Variants in BEND2 observed in about 807,000 individuals in gnomAD.
BEND2 encodes the protein BEN domain-containing protein 2.
Under a neutral mutation model 43.8 loss-of-function variants are expected in BEND2, and 19 were observed. The observed-to-expected ratio is 0.43, with a 90% confidence interval of 0.30 to 0.64. The LOEUF (loss-of-function observed/expected upper bound fraction) is 0.64. Ranked by LOEUF, BEND2 falls within the 30% of genes least tolerant of loss-of-function variation. BEND2 has a pLI of 0.11. For missense variants in BEND2, 544 were observed against 574.0 expected (o/e 0.95, Z 0.53); for synonymous variants, 226 against 210.1 (o/e 1.08, Z -0.66).
At position 18,186,437 on chromosome X, in the gene BEND2, G is replaced by T. The variant is rs191701777; in HGVS notation, c.1288+4564C>A. ...TGCGCCATTGCACTCCAGCCTGGGT[G>T]AAAAGAAGGAAACTCCGTCGGAAAA... On this transcript the variant is annotated intron_variant, in intron 8 of 13. Coordinates refer to ENST00000380033, the MANE Select transcript of BEND2 (RefSeq NM_153346.5). 9.7e-3 allele frequency among the ~76,000 whole-genome samples: 807 copies of T among 83,168 alleles called. 15 individuals carry two copies. The highest frequency in any genetic ancestry group is 0.036 in the African/African-American group (766 of 21,556). 72.2% of individuals were successfully genotyped at this position (83,168 alleles called of 115,157 possible). A position where few individuals can be genotyped will look rare whatever the true frequency, so the allele number is the denominator to read the frequency against.
chrX:18,166,070 T>C (rs917612675), intron 13 of BEND2, among the ~76,000 whole-genome samples: 11 of 112,479 alleles, frequency 9.8e-5, no homozygotes, highest in African/African-American at 3.5e-4. Flanking sequence ...GACTAATTAA[T>C]TAATGGATCA....
intron 7 of BEND2, among the ~76,000 whole-genome samples, chrX:18,194,755 A>G (rs1924881151): frequency 9.0e-6 from 1 of 111,287 alleles, no homozygotes; most frequent in Non-Finnish European, 1.9e-5. Context: ...CACTTATACA[A>G]CAATTGAAAG....
At position 18,164,964 on chromosome X, in the gene BEND2, T is replaced by G. The variant is rs539875456; in HGVS notation, c.*45A>C. ...ATTAGAACTTGAGAAACTTACAAAA[T>G]AGTCTTAACAGTTAAAAAAAAAAAA... On this transcript the variant is annotated 3_prime_UTR_variant, in exon 14 of 14. Transcript: ENST00000380033. 2.6e-6 allele frequency: 3 copies of G among 1,134,164 alleles called. No homozygotes were observed. Among genetic ancestry groups the G allele is most frequent in the South Asian group, 4.0e-5 (2 of 50,592 alleles). 93.5% of individuals were successfully genotyped at this position (1,134,164 alleles called of 1,213,427 possible).
At chrX:18,169,074 GTGCAGGGT>G (rs1923897315) in intron 13 of BEND2, among the ~76,000 whole-genome samples, 1 of 110,409 alleles carries the variant, frequency 9.1e-6, no homozygotes, top group African/African-American at 3.3e-5. Context: ...AGGGACTGGA[GTGCAGGGT>G]TGCAGTGAGC....
intron 8 of BEND2, among the ~76,000 whole-genome samples, chrX:18,190,223 C>T (rs913915773): frequency 2.7e-5 from 3 of 111,405 alleles, no homozygotes; most frequent in Admixed American, 9.6e-5. Context: ...TTGCACTCTT[C>T]GGCATTTATC....
In BEND2 at chrX:18,194,381, C is replaced by A. The variant is rs748098252; in HGVS notation, c.1180+915G>T. 1.9e-4 allele frequency among the ~76,000 whole-genome samples: 21 copies of A among 109,439 alleles called. No homozygotes were observed. The South Asian group carries it at 7.9e-3, about 41-fold the overall frequency. ...ATTATCCAAAAATTGAAAGAAAAAA[C>A]CAGATGTCCTTCAATAGGTGAATGG... On this transcript the variant is annotated intron_variant, in intron 7 of 13. Transcript: ENST00000380033.
At chrX:18,209,203 A>G (rs1002131862) in intron 4 of BEND2, among the ~76,000 whole-genome samples, 1 of 112,125 alleles carries the variant, frequency 8.9e-6, no homozygotes, top group Non-Finnish European at 1.9e-5. Context: ...AATTGAATAA[A>G]TAAATAGGAG....
At chrX:18,199,560 A>C (rs1569123862) in intron 6 of BEND2, among the ~76,000 whole-genome samples, 2 of 111,707 alleles carry the variant, frequency 1.8e-5, no homozygotes, top group Non-Finnish European at 3.8e-5. Flanking sequence ...AAATGGGTAA[A>C]GTATAAATGG....
intron 10 of BEND2, among the ~76,000 whole-genome samples, chrX:18,176,342 G>C (rs767101691): frequency 1.1e-5 from 1 of 87,280 alleles, no homozygotes; most frequent in African/African-American, 4.4e-5. Context: ...ACTGACGTAG[G>C]AAGCTAATAT....
At chrX:18,200,775 T>A (rs1035054774) in intron 6 of BEND2, among the ~76,000 whole-genome samples, 3 of 111,690 alleles carry the variant, frequency 2.7e-5, no homozygotes, top group Non-Finnish European at 5.6e-5. Flanking sequence ...AGATGAGGCA[T>A]CATTGCAGTG....
At chrX:18,181,048 C>T in intron 8 of BEND2, among the ~76,000 whole-genome samples, 1 of 110,217 alleles carries the variant, frequency 9.1e-6, no homozygotes. Flanking sequence ...ATGCTGGAGA[C>T]CTACTCTTAA....
chrX:18,171,088 T>C lies in BEND2; in HGVS notation c.2098A>G (p.Lys700Glu). The change falls in exon 13 of 14, where the codon AAA becomes GAA. Residue 700 changes from lysine (K) to glutamate (E), a missense_variant. Physicochemically the swap from Lys to Glu is moderately conservative, Grantham distance 56. This residue lies in a region of BEND2 where 501 missense variants were observed against 501.6 expected (regional missense o/e 1.00). Coordinates refer to ENST00000380033, the MANE Select transcript of BEND2 (RefSeq NM_153346.5). ...ACGTTACTTTGGACCAGGACATCTT[T>C]TGTGAAGAGTTTCTGAATAAGGTAT... ...ARYLIQKLFT[K>E]DVLVQSNVYG... 8.3e-7 allele frequency: 1 copy of C among 1,211,827 alleles called. No individual in the cohort carries two copies. The highest frequency in any genetic ancestry group is 1.1e-6 in the Non-Finnish European group (1 of 895,303).
chrX:18,214,200 A>G (rs1034041195), intron 2 of BEND2, among the ~76,000 whole-genome samples: 17 of 111,784 alleles, frequency 1.5e-4, no homozygotes, highest in African/African-American at 4.2e-4. Context: ...AGGAGGATCA[A>G]TTGAGCCCCG....
At chrX:18,205,262 T>C (rs1290487155) in intron 4 of BEND2, among the ~76,000 whole-genome samples, 2 of 110,505 alleles carry the variant, frequency 1.8e-5, no homozygotes, top group East Asian at 5.7e-4. Flanking sequence ...GTTGGAAACA[T>C]GGACTGAAAG....
At chrX:18,199,411 T>C (rs1925066688) in intron 6 of BEND2, among the ~76,000 whole-genome samples, 1 of 111,358 alleles carries the variant, frequency 9.0e-6, no homozygotes, top group South Asian at 3.8e-4. Context: ...AAATGTTCTG[T>C]ATTGTAACTA....
At chrX:18,201,677 G>C in intron 6 of BEND2, 138 bp downstream of exon 6, 1 of 724,674 alleles carries the variant, frequency 1.4e-6, no homozygotes, top group Non-Finnish European at 1.9e-6. Flanking sequence ...ATTTTTAGTA[G>C]AGACGGGTTT....
At chrX:18,219,556 T>A (rs1455136401) in intron 1 of BEND2, among the ~76,000 whole-genome samples, 1 of 112,810 alleles carries the variant, frequency 8.9e-6, no homozygotes. Context: ...AGACTCTATG[T>A]CTCAACCGCA....
At chrX:18,205,780 T>G (rs1925315823) in intron 4 of BEND2, among the ~76,000 whole-genome samples, 1 of 110,580 alleles carries the variant, frequency 9.0e-6, no homozygotes, top group Non-Finnish European at 1.9e-5. Context: ...TGCAAGAAAT[T>G]AGAAATGCCA....
rs1245653506 is a variant in BEND2 at position 18,220,795 on chromosome X, C to T, written c.-45G>A. On this transcript the variant is annotated 5_prime_UTR_variant, in exon 1 of 14. Coordinates refer to ENST00000380033, the MANE Select transcript of BEND2 (RefSeq NM_153346.5). The stretch of plus-strand genomic sequence containing the variant: ...GCTCTGAGGCCCGAGACCTGAGGCC[C>T]GAGACCTGAGGCCTACGTCTGCGCC... The T allele has an allele frequency of 8.5e-7, 1 of 1,175,536 alleles. No individual in the cohort carries two copies. The highest frequency in any genetic ancestry group is 1.2e-6 in the Non-Finnish European group (1 of 869,438).
Sources: allele counts gnomAD v4.1 joint callset (sites outside exome capture counted in the v4.1 genomes callset), GRCh38; gene constraint gnomAD v4.1.1; regional missense constraint gnomAD v4.1.1; transcripts MANE v1.5; gene names NCBI Gene and HGNC (gene_info 2026-07-23, HGNC 2026-07-21).